DTNB: variants seen among roughly 807,000 people sequenced by gnomAD.
DTNB encodes the protein dystrobrevin beta, also known as DTN-B.
In DTNB, 63 loss-of-function variants were observed where a neutral mutation model predicts 90.7. That is an observed-to-expected ratio of 0.69 (90% CI 0.57 to 0.86). The LOEUF (loss-of-function observed/expected upper bound fraction) is 0.86. Among genes scored for constraint, DTNB ranks in the 40% least tolerant of loss-of-function variants. The pLI is 0.00. For missense variants in DTNB, 744 were observed against 807.1 expected (o/e 0.92, Z 0.95); for synonymous variants, 277 against 286.7 (o/e 0.97, Z 0.34).
intron 15 of DTNB, among the ~76,000 whole-genome samples, chr2:25,420,524 G>A (rs151177231): frequency 1.0e-4 from 9 of 87,600 alleles, no homozygotes; most frequent in East Asian, 2.5e-4. Flanking sequence ...CTATCTATCT[G>A]TCTGTCTATC....
rs575423180 is a variant in DTNB, at chr2:25,512,190, C to G, written c.1001+19283G>C. On this transcript the variant is annotated intron_variant, in intron 9 of 20. Coordinates refer to ENST00000406818, the MANE Select transcript of DTNB (RefSeq NM_021907.5). The stretch of plus-strand genomic sequence containing the variant: ...ATTATTTCTGGTAGTAAAAGACAAA[C>G]TTCTCTCCAAAAACTCATAAAAAAT... Among the ~76,000 whole-genome samples the G allele has an allele frequency of 3.9e-5, 6 of 152,280 alleles. No individual in the cohort carries two copies. In the South Asian group the frequency reaches 1.2e-3, roughly 32 times the overall value.
intron 15 of DTNB, among the ~76,000 whole-genome samples, chr2:25,421,449 C>T (rs1188532263): frequency 6.6e-6 from 1 of 152,234 alleles, no homozygotes; most frequent in Non-Finnish European, 1.5e-5. Flanking sequence ...AATTAGAGCG[C>T]TTCTGCTTTT....
At chr2:25,580,601 C>A in intron 7 of DTNB, 120 bp downstream of exon 7, 4 of 967,870 alleles carry the variant, frequency 4.1e-6, no homozygotes, top group South Asian at 1.5e-5. Flanking sequence ...AATGAAATGA[C>A]AGAATGACAG....
At chr2:25,569,904 C>G (rs1293053599) in intron 8 of DTNB, among the ~76,000 whole-genome samples, 4 of 151,884 alleles carry the variant, frequency 2.6e-5, no homozygotes, top group Non-Finnish European at 5.9e-5. Context: ...TGAGACCAGC[C>G]TGGCCAACAT....
chr2:25,613,169 G>C (rs1346019014), intron 4 of DTNB, among the ~76,000 whole-genome samples: 1 of 151,742 alleles, frequency 6.6e-6, no homozygotes, highest in Non-Finnish European at 1.5e-5. Context: ...GGCTGGTCTC[G>C]AACTCCTAAA....
intron 8 of DTNB, among the ~76,000 whole-genome samples, chr2:25,534,844 C>T (rs1272467722): frequency 6.7e-6 from 1 of 148,788 alleles, no homozygotes; most frequent in African/African-American, 2.5e-5. Context: ...GTGCCCTCCA[C>T]TTCCCAGATG....
At chr2:25,377,745 G>A (rs190130950) in intron 20 of DTNB, among the ~76,000 whole-genome samples, 192 bp from the exon 21 acceptor site, 568 of 152,320 alleles carry the variant, frequency 3.7e-3, no homozygotes, top group Non-Finnish European at 6.3e-3. Context: ...AAGTGTTTCC[G>A]TGGAAGAAAG....
At chr2:25,446,282 C>G (rs549463690) in intron 12 of DTNB, among the ~76,000 whole-genome samples, 1 of 152,206 alleles carries the variant, frequency 6.6e-6, no homozygotes, top group African/African-American at 2.4e-5. Flanking sequence ...TGTTGCCCAG[C>G]CTGGAGTGTA....
In DTNB at chr2:25,565,034, G is replaced by A. The variant is rs1378869197; in HGVS notation, c.876+11804C>T. 2.0e-5 allele frequency among the ~76,000 whole-genome samples: 3 copies of A among 152,232 alleles called. No homozygotes were observed. In the East Asian group the frequency reaches 5.8e-4, roughly 29 times the overall value. On this transcript the variant is annotated intron_variant, in intron 8 of 20. Transcript: ENST00000406818. Reference sequence around the variant, plus strand: ...GTGTGTTAGGATTTTCTATATACAAGATCATGTCATCTGTGAAGAGAGGTA... The same window carrying A: ...GTGTGTTAGGATTTTCTATATACAAAATCATGTCATCTGTGAAGAGAGGTA...
intron 16 of DTNB, among the ~76,000 whole-genome samples, chr2:25,392,823 A>G (rs1314236392): frequency 3.3e-5 from 5 of 152,338 alleles, no homozygotes; most frequent in Admixed American, 1.3e-4. Flanking sequence ...CATTCAAAGA[A>G]GAATTGGTAC....
At chr2:25,596,911 C>T (rs147425901) in intron 5 of DTNB, among the ~76,000 whole-genome samples, 116 of 152,306 alleles carry the variant, frequency 7.6e-4, no homozygotes, top group African/African-American at 2.6e-3. Context: ...ATTACTCCAA[C>T]TTTATCTGCT....
At chr2:25,464,110 T>C (rs546643262) in intron 10 of DTNB, among the ~76,000 whole-genome samples, 1 of 152,366 alleles carries the variant, frequency 6.6e-6, no homozygotes, top group East Asian at 1.9e-4. Context: ...GGTTTCGCCA[T>C]GTTGGCCAGG....
chr2:25,494,481 A>T (rs927774297), intron 9 of DTNB, among the ~76,000 whole-genome samples: 3 of 10,958 alleles, frequency 2.7e-4, no homozygotes, highest in Admixed American at 1.8e-3. Context: ...TGGGGGGAGG[A>T]GGGGGGAGTG....
intron 10 of DTNB, among the ~76,000 whole-genome samples, chr2:25,467,892 T>C (rs1330128413): frequency 6.6e-6 from 1 of 152,102 alleles, no homozygotes; most frequent in Admixed American, 6.6e-5. Flanking sequence ...ATAGCCAATA[T>C]ATAAACAAGT....
chr2:25,433,859 G>A lies in DTNB; in HGVS notation c.1343+51C>T, dbSNP rs1396163106. On this transcript the variant is annotated intron_variant, in intron 13 of 20. Transcript: ENST00000406818. ...TCCAAGGAAAATGAGAATCAGATAC[G>A]CACGTGATAATCCTGGACTCTGGAA... 45 of 1,588,000 alleles carry A rather than the reference G, an allele frequency of 2.8e-5. No homozygotes were observed. In the East Asian group the frequency reaches 6.5e-4, roughly 23 times the overall value.
At chr2:25,662,038 C>A (rs977804283) in intron 1 of DTNB, among the ~76,000 whole-genome samples, 14 of 152,022 alleles carry the variant, frequency 9.2e-5, no homozygotes, top group African/African-American at 3.4e-4. Flanking sequence ...CGCCTGTAGT[C>A]CCAGCTACTC....
intron 13 of DTNB, 27 bp from the exon 14 acceptor site, chr2:25,433,026 G>A (rs1400560494): frequency 6.4e-7 from 1 of 1,572,142 alleles, no homozygotes; most frequent in Non-Finnish European, 8.6e-7. Flanking sequence ...AACGGAAAGG[G>A]GCTGCACAGT....
At chr2:25,571,393 C>A (rs2059841144) in intron 8 of DTNB, among the ~76,000 whole-genome samples, 1 of 152,164 alleles carries the variant, frequency 6.6e-6, no homozygotes. Context: ...TCATTTCACT[C>A]AGAGTAAAAG....
intron 9 of DTNB, among the ~76,000 whole-genome samples, chr2:25,485,260 C>T (rs2065891024): frequency 6.6e-6 from 1 of 152,180 alleles, no homozygotes; most frequent in Admixed American, 6.5e-5. Context: ...CTCCCACCTC[C>T]ACCTCCCAAA....
Sources: allele counts gnomAD v4.1 joint callset (sites outside exome capture counted in the v4.1 genomes callset), GRCh38; gene constraint gnomAD v4.1.1; transcripts MANE v1.5; gene names NCBI Gene and HGNC (gene_info 2026-07-23, HGNC 2026-07-21).